PNPT1: variants seen among roughly 807,000 people sequenced by gnomAD.
The protein encoded by PNPT1 is polyribonucleotide nucleotidyltransferase 1.
In PNPT1, 53 loss-of-function variants were observed where a neutral mutation model predicts 119.5. The observed-to-expected ratio is 0.44, with a 90% CI of 0.36 to 0.56. The LOEUF is 0.56. Ranked by LOEUF, PNPT1 falls within the 20% of genes least tolerant of loss-of-function variation. The probability of loss-of-function intolerance (pLI) is 0.00; values close to 1 mark genes in which losing one functional copy is unlikely to be tolerated. For missense variants in PNPT1, 948 were observed against 938.5 expected (o/e 1.01, Z -0.13); for synonymous variants, 357 against 322.1 (o/e 1.11, Z -1.16).
At chr2:55,692,607 T>C (rs1160909679) in intron 1 of PNPT1, among the ~76,000 whole-genome samples, 3 of 152,210 alleles carry the variant, frequency 2.0e-5, no homozygotes, top group African/African-American at 7.2e-5. Flanking sequence ...TAATACTAAC[T>C]TTTTTATAGA....
intron 8 of PNPT1, among the ~76,000 whole-genome samples, chr2:55,676,262 C>CAAAAAAAAAAAAAAAAAAAAAAAAAA: frequency 1.2e-5 from 1 of 82,854 alleles, no homozygotes; most frequent in Non-Finnish European, 2.1e-5. Flanking sequence ...CCATCTCAAC[C>CAAAAAAAAAAAAAAAAAAAAAAAAAA]AAAAAAAAAA....
intron 18 of PNPT1, among the ~76,000 whole-genome samples, chr2:55,650,831 C>T (rs917881227): frequency 2.6e-5 from 4 of 151,694 alleles, no homozygotes; most frequent in Non-Finnish European, 5.9e-5. Context: ...CTCCGCCCAG[C>T]AGCCACCCCG....
chr2:55,675,743 A>G (rs1182520698), intron 8 of PNPT1, among the ~76,000 whole-genome samples: 1 of 152,210 alleles, frequency 6.6e-6, no homozygotes. Flanking sequence ...TTGAGTCTAC[A>G]GAGCTGTGCT....
At chr2:55,639,267 A>C (rs1415096828) in intron 26 of PNPT1, among the ~76,000 whole-genome samples, 1 of 152,194 alleles carries the variant, frequency 6.6e-6, no homozygotes, top group Non-Finnish European at 1.5e-5. Flanking sequence ...TTGTACATTA[A>C]AAACTTTTCA....
rs778550138 is a variant in PNPT1, at chr2:55,687,653, C to T, written c.214G>A (p.Val72Ile). 1.3e-6 allele frequency: 2 copies of T among 1,595,742 alleles called. No individual in the cohort carries two copies. Among genetic ancestry groups the T allele is most frequent in the African/African-American group, 1.4e-5 (1 of 73,844 alleles). ...AAATCTGGACTTTTTACCTGTACTACAGCAGAGCCATCTGCAAATCTGGCC... is the reference window on the plus strand; with the variant it reads ...AAATCTGGACTTTTTACCTGTACTATAGCAGAGCCATCTGCAAATCTGGCC... ...KLARFADGSAVVQSGDTAVMV... is the reference protein window; with the variant it reads ...KLARFADGSAIVQSGDTAVMV... Residue 72 changes from valine (V) to isoleucine (I), a missense_variant, in exon 2 of 28, where the codon GTA becomes ATA. Val to Ile is a conservative substitution (Grantham distance 29). Transcript: ENST00000447944.
chr2:55,661,867 G>A, intron 14 of PNPT1, 89 bp downstream of exon 14: 1 of 1,219,834 alleles, frequency 8.2e-7, no homozygotes, highest in South Asian at 1.8e-5. Flanking sequence ...GTTAAAAAAA[G>A]TAACAATAAT....
intron 15 of PNPT1, among the ~76,000 whole-genome samples, chr2:55,659,665 G>A (rs1434232989): frequency 6.6e-6 from 1 of 151,978 alleles, no homozygotes; most frequent in African/African-American, 2.4e-5. Flanking sequence ...GTACTTTAGA[G>A]AGTGCTAAAT....
intron 1 of PNPT1, among the ~76,000 whole-genome samples, chr2:55,689,972 C>A (rs1440654560): frequency 1.3e-5 from 2 of 152,094 alleles, no homozygotes; most frequent in African/African-American, 2.4e-5. Flanking sequence ...CAGGTGTGCA[C>A]CACCATGCTG....
At chr2:55,650,268 G>A (rs563461049) in intron 18 of PNPT1, among the ~76,000 whole-genome samples, 12 of 152,090 alleles carry the variant, frequency 7.9e-5, no homozygotes, top group African/African-American at 2.7e-4. Context: ...TCAGCCTGCC[G>A]ACTGCCTGCG....
chr2:55,655,033 T>C (rs1696341923), intron 17 of PNPT1, 80 bp from the exon 18 acceptor site: 4 of 1,287,238 alleles, frequency 3.1e-6, no homozygotes, highest in African/African-American at 1.5e-5. Flanking sequence ...TATTTCCTTA[T>C]AAATATTCAG....
Position 55,643,410 on chromosome 2 carries a change from T to G in PNPT1, c.1922A>C (p.Gln641Pro). The G allele has an allele frequency of 6.2e-7, 1 of 1,613,922 alleles. No individual in the cohort carries two copies. The highest frequency in any genetic ancestry group is 8.5e-7 in the Non-Finnish European group (1 of 1,180,000). ...TACAGAAAACGTTTCTTCATCCACC[T>G]GACTAATAGTTACACCTTTTAAAAA... ...LQAETGVTISQVDEETFSVFA... is the reference protein window; with the variant it reads ...LQAETGVTISPVDEETFSVFA... The change falls in exon 24 of 28, where the codon CAG becomes CCG. Residue 641 changes from glutamine (Q) to proline (P), a missense_variant. Gln to Pro is a moderately conservative substitution (Grantham distance 76, BLOSUM62 -1). Transcript: ENST00000447944.
At chr2:55,692,538 T>TA (rs1004782660) in intron 1 of PNPT1, among the ~76,000 whole-genome samples, 3 of 151,764 alleles carry the variant, frequency 2.0e-5, no homozygotes, top group African/African-American at 7.3e-5. Context: ...AGCGGTCCCC[T>TA]AAAAAAAAGT....
chr2:55,682,521 G>A (rs1697279622), intron 5 of PNPT1, among the ~76,000 whole-genome samples: 1 of 152,038 alleles, frequency 6.6e-6, no homozygotes, highest in Non-Finnish European at 1.5e-5. Flanking sequence ...GCAATAACGT[G>A]CCCATGTCAT....
At chr2:55,673,452 T>C (rs931606655) in intron 8 of PNPT1, among the ~76,000 whole-genome samples, 8 of 142,628 alleles carry the variant, frequency 5.6e-5, no homozygotes, top group East Asian at 2.0e-4. Context: ...TTTTTAATAC[T>C]TTTTTTTTTT....
At position 55,656,401 on chromosome 2, in the gene PNPT1, A is replaced by G. The variant is rs759303720; in HGVS notation, c.1285-30T>C. The G allele has an allele frequency of 9.7e-6, 15 of 1,539,802 alleles. No individual in the cohort carries two copies. In the Admixed American group the frequency reaches 3.0e-4, roughly 31 times the overall value. On this transcript the variant is annotated intron_variant, in intron 15 of 27. Transcript: ENST00000447944. Reference sequence around the variant, plus strand: ...AAAAAAAAAAAACACAAACACACATATACAATTGACATAGAAAGATGTCCA... The same window carrying G: ...AAAAAAAAAAAACACAAACACACATGTACAATTGACATAGAAAGATGTCCA...
At chr2:55,653,612 T>C (rs988563376) in intron 18 of PNPT1, among the ~76,000 whole-genome samples, 7 of 152,224 alleles carry the variant, frequency 4.6e-5, no homozygotes, top group Non-Finnish European at 8.8e-5. Context: ...AAGTAAAGAT[T>C]TGTAGAGTGA....
chr2:55,656,047 A>C lies in PNPT1; in HGVS notation c.1441+84T>G, dbSNP rs1041859993. 4.0e-6 allele frequency: 6 copies of C among 1,497,940 alleles called. No homozygotes were observed. In the African/African-American group the frequency reaches 8.5e-5, roughly 21 times the overall value. The allele number at this position is 1,497,940 out of a possible 1,614,324, so 92.8% of individuals were successfully genotyped here. ...ACTTGGGTTCTGTAGTAATAAACAA[A>C]ATGTAACATTACATTTGAAAACTTA... On this transcript the variant is annotated intron_variant, in intron 17 of 27. Coordinates refer to ENST00000447944, the MANE Select transcript of PNPT1 (RefSeq NM_033109.5).
Position 55,643,184 on chromosome 2 carries a change from T to A in PNPT1, c.2043A>T (p.Val681=). 1 of 1,614,154 alleles carries A rather than the reference T, an allele frequency of 6.2e-7. No homozygotes were observed. The highest frequency in any genetic ancestry group is 8.5e-7 in the Non-Finnish European group (1 of 1,179,988). ...TGATTTCAGTTATTGTGGCGGTATA[T>A]ACTGCTCCAAATTCTAATTGCTGCT... is the stretch of plus-strand genomic sequence containing the variant. ...DQEQQLEFGA[V]YTATITEIRD... is the part of the protein sequence containing the mutation. The change falls in exon 25 of 28, where the codon GTA becomes GTT. Residue 681 remains valine (V), a synonymous_variant. Coordinates refer to ENST00000447944, the MANE Select transcript of PNPT1 (RefSeq NM_033109.5).
rs561292124 is a variant in PNPT1, at chr2:55,673,012, C to A, written c.747G>T (p.Val249=). The A allele has an allele frequency of 1.6e-5, 26 of 1,613,048 alleles. 1 individual carries two copies. In the South Asian group the frequency reaches 2.9e-4, roughly 18 times the overall value. ...CCTGAATTATTTGTTGGGTATATTTCACTCCCACTTTGATAGCATGGCAAA... is the reference window on the plus strand; with the variant it reads ...CCTGAATTATTTGTTGGGTATATTTAACTCCCACTTTGATAGCATGGCAAA... The part of the protein sequence containing the change: ...QDFCHAIKVG[V]KYTQQIIQGI... The change falls in exon 9 of 28, where the codon GTG becomes GTT. Residue 249 remains valine, a synonymous_variant. Transcript: ENST00000447944.
Sources: allele counts gnomAD v4.1 joint callset (sites outside exome capture counted in the v4.1 genomes callset), GRCh38; gene constraint gnomAD v4.1.1; transcripts MANE v1.5; gene names NCBI Gene and HGNC (gene_info 2026-07-23, HGNC 2026-07-21).